Variants in SHROOM2 observed in about 807,000 individuals in gnomAD.
SHROOM2 encodes shroom family member 2.
In SHROOM2, 33 loss-of-function variants were observed where a neutral mutation model predicts 75.9. The ratio of observed to expected loss-of-function variants is 0.43; its 90% CI spans 0.33 to 0.58. The LOEUF is 0.58. SHROOM2 is among the 20% of genes least tolerant of loss of function. The pLI is 0.04. For synonymous variants in SHROOM2, 655 were observed against 663.6 expected (o/e 0.99, Z 0.20); for missense variants, 1,434 against 1,461.2 (o/e 0.98, Z 0.30).
At chrX:9,910,592 G>A (rs751858728) in intron 5 of SHROOM2, among the ~76,000 whole-genome samples, 15 of 110,021 alleles carry the variant, frequency 1.4e-4, no homozygotes, top group African/African-American at 2.0e-4. Flanking sequence ...TGAGGCGGGC[G>A]TATCACTTGA....
intron 1 of SHROOM2, among the ~76,000 whole-genome samples, chrX:9,797,284 A>C (rs1194145102): frequency 1.8e-5 from 2 of 112,468 alleles, no homozygotes; most frequent in African/African-American, 6.5e-5. Flanking sequence ...GCCGCAGGGC[A>C]GAGTTCATCA....
chrX:9,947,439 G>T lies in SHROOM2; in HGVS notation c.*502G>T. Reference sequence around the variant, plus strand: ...TGAGCATTTGTCTCTGTTATCTAATGATGTTCTCTGACCCAGCAGAAATCA... The same window carrying T: ...TGAGCATTTGTCTCTGTTATCTAATTATGTTCTCTGACCCAGCAGAAATCA... On this transcript the variant is annotated 3_prime_UTR_variant, in exon 10 of 10. Transcript: ENST00000380913. 8.5e-6 allele frequency: 1 copy of T among 118,103 alleles called. No homozygotes were observed. Among genetic ancestry groups the T allele is most frequent in the Non-Finnish European group, 1.8e-5 (1 of 56,416 alleles). The allele number at this position is 118,103 out of a possible 1,213,427, so 9.7% of individuals were successfully genotyped here.
At chrX:9,932,951 C>T (rs1475846153) in intron 6 of SHROOM2, 81 bp downstream of exon 6, 2 of 811,135 alleles carry the variant, frequency 2.5e-6, no homozygotes, top group Non-Finnish European at 3.4e-6. Context: ...TCTGGGGAGT[C>T]ACCTGGGCAC....
At chrX:9,932,923 G>A (rs1377789824) in intron 6 of SHROOM2, 53 bp downstream of exon 6, 7 of 1,052,464 alleles carry the variant, frequency 6.7e-6, no homozygotes, top group South Asian at 4.4e-5. Flanking sequence ...TGTGGGACGC[G>A]GGTTCTCAGT....
intron 5 of SHROOM2, among the ~76,000 whole-genome samples, chrX:9,908,976 A>AAATAAATAAATAAAT (rs2084406549): frequency 2.6e-5 from 2 of 76,068 alleles, no homozygotes; most frequent in Non-Finnish European, 5.6e-5. Flanking sequence ...AATAAATAAA[A>AAATAAATAAATAAAT]ACAAAAATAA....
chrX:9,938,748 G>A (rs2084740228), intron 7 of SHROOM2, among the ~76,000 whole-genome samples: 1 of 111,252 alleles, frequency 9.0e-6, no homozygotes, highest in African/African-American at 3.3e-5. Context: ...AGGTGGAGTG[G>A]GTATGACACA....
intron 1 of SHROOM2, among the ~76,000 whole-genome samples, chrX:9,839,175 C>G (rs150625432): frequency 2.8e-3 from 314 of 111,386 alleles, no homozygotes; most frequent in African/African-American, 0.01. Context: ...CTGTCACTTC[C>G]GAATTGGTGT....
chrX:9,822,706 C>G (rs988504704), intron 1 of SHROOM2, among the ~76,000 whole-genome samples: 3 of 112,557 alleles, frequency 2.7e-5, no homozygotes, highest in African/African-American at 6.5e-5. Flanking sequence ...GTGGCAGCTC[C>G]AGAAAGCTCT....
chrX:9,876,818 G>A (rs191144230), intron 2 of SHROOM2, among the ~76,000 whole-genome samples: 1 of 112,342 alleles, frequency 8.9e-6, no homozygotes, highest in East Asian at 2.8e-4. Flanking sequence ...TTTTTTGTTT[G>A]TTAAAGACAG....
intron 1 of SHROOM2, among the ~76,000 whole-genome samples, chrX:9,836,082 G>T (rs1017302215): frequency 4.5e-5 from 5 of 112,262 alleles, no homozygotes; most frequent in Admixed American, 3.8e-4. Context: ...CACCTGGAGA[G>T]CGGGGAGGGG....
chrX:9,789,379 A>C (rs1004417765), intron 1 of SHROOM2, among the ~76,000 whole-genome samples: 16 of 110,550 alleles, frequency 1.4e-4, no homozygotes, highest in Non-Finnish European at 3.0e-4. Context: ...ATCACTCCTC[A>C]GTACGTTTCT....
At chrX:9,823,615 CAGGTAGT>C (rs2083871719) in intron 1 of SHROOM2, among the ~76,000 whole-genome samples, 1 of 111,435 alleles carries the variant, frequency 9.0e-6, no homozygotes, top group South Asian at 3.7e-4. Flanking sequence ...AAAACAGAAT[CAGGTAGT>C]AGTTACTTCT....
chrX:9,798,917 A>G (rs1178903127), intron 1 of SHROOM2, among the ~76,000 whole-genome samples: 3 of 111,456 alleles, frequency 2.7e-5, no homozygotes, highest in African/African-American at 9.8e-5. Context: ...TGCTTCAATC[A>G]TATTTATTTT....
chrX:9,880,113 A>C (rs903375997), intron 2 of SHROOM2, among the ~76,000 whole-genome samples: 7 of 111,944 alleles, frequency 6.3e-5, no homozygotes, highest in Non-Finnish European at 1.3e-4. Flanking sequence ...TTGAGGGCGC[A>C]GGGATCTGGG....
At chrX:9,942,116 T>C (rs1265235668) in intron 8 of SHROOM2, among the ~76,000 whole-genome samples, 2 of 112,025 alleles carry the variant, frequency 1.8e-5, no homozygotes, top group African/African-American at 3.2e-5. Context: ...CTGTTTCCTG[T>C]TTTGTGCTTT....
At chrX:9,919,690 C>T (rs1316127976) in intron 5 of SHROOM2, among the ~76,000 whole-genome samples, 4 of 110,574 alleles carry the variant, frequency 3.6e-5, no homozygotes, top group Non-Finnish European at 5.7e-5. Flanking sequence ...CCAAAAAGTG[C>T]GAATCAAAAC....
At chrX:9,889,992 GTTCT>G (rs2084281400) in intron 2 of SHROOM2, among the ~76,000 whole-genome samples, 1 of 112,836 alleles carries the variant, frequency 8.9e-6, no homozygotes, top group African/African-American at 3.2e-5. Flanking sequence ...TAGAATAAAT[GTTCT>G]TTATTTATTT....
intron 1 of SHROOM2, among the ~76,000 whole-genome samples, chrX:9,860,098 G>C (rs1286766961): frequency 8.9e-6 from 1 of 111,736 alleles, no homozygotes; most frequent in Non-Finnish European, 1.9e-5. Context: ...GGTAACATCT[G>C]GAAGCATTTG....
chrX:9,844,383 G>A (rs775386253), intron 1 of SHROOM2, among the ~76,000 whole-genome samples: 2 of 111,282 alleles, frequency 1.8e-5, no homozygotes, highest in African/African-American at 3.3e-5. Context: ...ATGGTGGTGT[G>A]CATCTGTGAT....
Sources: gnomAD v4.1 joint callset for allele counts (sites outside exome capture counted in the v4.1 genomes callset) on GRCh38, gnomAD v4.1.1 for gene constraint, MANE v1.5 for transcripts, NCBI Gene and HGNC (gene_info 2026-07-23, HGNC 2026-07-21) for gene names.